CHIC1: variants seen among roughly 807,000 people sequenced by gnomAD.
CHIC1 encodes cysteine-rich hydrophobic domain-containing protein 1.
CHIC1 carries 7 observed loss-of-function variants against 18.5 expected under a neutral mutation model. The observed-to-expected ratio is 0.38, with a 90% confidence interval of 0.22 to 0.71. The LOEUF is 0.71. CHIC1 is among the 30% of genes least tolerant of loss of function. The pLI, the probability that CHIC1 is intolerant of heterozygous loss-of-function variation, is 0.49. For synonymous variants in CHIC1, 77 were observed against 73.5 expected, an observed-to-expected ratio of 1.05 and a Z score of -0.25; for missense variants, 159 against 176.9, an observed-to-expected ratio of 0.90 and a Z score of 0.57.
intron 1 of CHIC1, among the ~76,000 whole-genome samples, chrX:73,568,472 A>G (rs761811834): frequency 1.8e-5 from 2 of 111,771 alleles, no homozygotes; most frequent in Admixed American, 1.9e-4. Flanking sequence ...CTATAGAAAG[A>G]GAAATAATGA....
At position 73,628,025 on chromosome X, in the gene CHIC1, C is replaced by A. The variant is rs376495952; in HGVS notation, c.507+43453C>A. ...CAGCAGGTGATAAATGTTGCCAGGA[C>A]TTGGTCCTTTCCTTCAAGGCAGTGG... On this transcript the variant is annotated intron_variant, in intron 3 of 5. Coordinates refer to ENST00000373502, the MANE Select transcript of CHIC1 (RefSeq NM_001039840.4). Among the ~76,000 whole-genome samples the A allele has an allele frequency of 2.7e-5, 3 of 111,470 alleles. No individual in the cohort carries two copies. In the East Asian group the frequency reaches 8.5e-4, roughly 32 times the overall value.
chrX:73,569,237 G>A (rs747355549), intron 1 of CHIC1, among the ~76,000 whole-genome samples: 15 of 111,045 alleles, frequency 1.4e-4, no homozygotes, highest in South Asian at 3.8e-4. Flanking sequence ...AACTGAGTAC[G>A]TGAACTTTAA....
intron 3 of CHIC1, among the ~76,000 whole-genome samples, chrX:73,585,530 TAAA>T (rs1040812545): frequency 9.1e-6 from 1 of 109,317 alleles, no homozygotes; most frequent in Non-Finnish European, 1.9e-5. Context: ...TTTCTATAAA[TAAA>T]AAAAAAGCTG....
chrX:73,643,767 A>G (rs1053688590), intron 3 of CHIC1, among the ~76,000 whole-genome samples: 1 of 111,209 alleles, frequency 9.0e-6, no homozygotes, highest in Non-Finnish European at 1.9e-5. Flanking sequence ...GTATCCATTC[A>G]TCTAATTTTT....
intron 5 of CHIC1, 145 bp downstream of exon 5, chrX:73,679,858 CTT>C (rs2058089162): frequency 6.0e-6 from 2 of 331,731 alleles, no homozygotes; most frequent in Non-Finnish European, 1.1e-5. Context: ...CTTCTATCTT[CTT>C]TAGATTTGTA....
At chrX:73,642,876 CTA>C (rs2057865430) in intron 3 of CHIC1, among the ~76,000 whole-genome samples, 2 of 108,566 alleles carry the variant, frequency 1.8e-5, no homozygotes, top group African/African-American at 6.6e-5. Context: ...TTCCATTGAT[CTA>C]TATCTCTGTT....
At chrX:73,611,019 CT>C (rs1189905087) in intron 3 of CHIC1, among the ~76,000 whole-genome samples, 1 of 106,271 alleles carries the variant, frequency 9.4e-6, no homozygotes, top group Non-Finnish European at 1.9e-5. Flanking sequence ...AGAAAACCAG[CT>C]TTTTTTATTA....
rs1474525758 is a variant in CHIC1, at chrX:73,682,407, G to A, written c.*1402G>A. 9.0e-6 allele frequency: 1 copy of A among 111,297 alleles called. No individual in the cohort carries two copies. The highest frequency in any genetic ancestry group is 9.6e-5 in the Admixed American group (1 of 10,462). 9.2% of individuals were successfully genotyped at this position (111,297 alleles called of 1,213,427 possible). On this transcript the variant is annotated 3_prime_UTR_variant, in exon 6 of 6. Transcript: ENST00000373502. Reference sequence around the variant, plus strand: ...GTATGCCTGTTTGTAGGCATTATTTGTAATTCATAGTGCTAAAAATAAAAG... The same window carrying A: ...GTATGCCTGTTTGTAGGCATTATTTATAATTCATAGTGCTAAAAATAAAAG...
At chrX:73,676,645 C>G (rs2058065102) in intron 3 of CHIC1, among the ~76,000 whole-genome samples, 1 of 111,038 alleles carries the variant, frequency 9.0e-6, no homozygotes, top group South Asian at 3.8e-4. Context: ...AATTTTTTTT[C>G]AAAGCTTTTA....
intron 3 of CHIC1, among the ~76,000 whole-genome samples, chrX:73,667,025 T>C (rs2058007477): frequency 2.7e-5 from 3 of 112,111 alleles, no homozygotes; most frequent in Admixed American, 9.4e-5. Context: ...TTTATGAATA[T>C]GGGTGCTAGT....
intron 3 of CHIC1, among the ~76,000 whole-genome samples, chrX:73,590,704 GA>G (rs1603341197): frequency 9.0e-6 from 1 of 111,405 alleles, no homozygotes; most frequent in African/African-American, 3.2e-5. Flanking sequence ...CATATAAGTT[GA>G]AATTATATAG....
chrX:73,649,132 C>G (rs60932085), intron 3 of CHIC1, among the ~76,000 whole-genome samples: 5,331 of 111,498 alleles, frequency 0.048, 322 homozygotes, highest in African/African-American at 0.16. Flanking sequence ...AAAATCTTTT[C>G]CAGACAAGCA....
chrX:73,633,468 T>C (rs902197859), intron 3 of CHIC1, among the ~76,000 whole-genome samples: 3 of 111,845 alleles, frequency 2.7e-5, no homozygotes, highest in Non-Finnish European at 5.6e-5. Context: ...CAAAATCGTC[T>C]GTTTTTGACT....
At position 73,605,274 on chromosome X, in the gene CHIC1, A is replaced by T. The variant is rs1327702742; in HGVS notation, c.507+20702A>T. On this transcript the variant is annotated intron_variant, in intron 3 of 5. Transcript: ENST00000373502. ...GTAATGCCCTTCTTTGTCTTTTTTG[A>T]TCTTTGTCAGTTTAAAGTCTGTTCT... Among the ~76,000 whole-genome samples the T allele has an allele frequency of 9.3e-5, 10 of 107,368 alleles. No individual in the cohort carries two copies. The East Asian group carries it at 2.6e-3, about 27-fold the overall frequency. 93.2% of individuals were successfully genotyped at this position (107,368 alleles called of 115,157 possible). A position where few individuals can be genotyped will look rare whatever the true frequency, so the allele number is the denominator to read the frequency against.
rs1279917421 is a variant in CHIC1, at chrX:73,682,676, T to C, written c.*1671T>C. The stretch of plus-strand genomic sequence containing the variant: ...TGTTTGCACAAACACTTTTCCACCT[T>C]CCTCTGTGCCCCATTACCTCTGTGC... On this transcript the variant is annotated 3_prime_UTR_variant, in exon 6 of 6. Coordinates refer to ENST00000373502, the MANE Select transcript of CHIC1 (RefSeq NM_001039840.4). 1 of 111,846 alleles carries C rather than the reference T, an allele frequency of 8.9e-6. No homozygotes were observed. The allele number at this position is 111,846 out of a possible 1,213,427, so 9.2% of individuals were successfully genotyped here. A position where few individuals can be genotyped will look rare whatever the true frequency, so the allele number is the denominator to read the frequency against.
At chrX:73,663,856 T>C (rs910961767) in intron 3 of CHIC1, among the ~76,000 whole-genome samples, 1 of 111,332 alleles carries the variant, frequency 9.0e-6, no homozygotes, top group Non-Finnish European at 1.9e-5. Flanking sequence ...TGCAGACCTT[T>C]ACATTCCATC....
chrX:73,649,526 A>T (rs747534752), intron 3 of CHIC1, among the ~76,000 whole-genome samples: 1 of 111,825 alleles, frequency 8.9e-6, no homozygotes, highest in African/African-American at 3.2e-5. Flanking sequence ...GAATCAAAAA[A>T]AGCAGAGGTT....
At chrX:73,663,306 T>G (rs956676554) in intron 3 of CHIC1, among the ~76,000 whole-genome samples, 1 of 111,071 alleles carries the variant, frequency 9.0e-6, no homozygotes, top group African/African-American at 3.3e-5. Context: ...TCTTTGTAAT[T>G]TTTCTCCCTT....
intron 3 of CHIC1, among the ~76,000 whole-genome samples, chrX:73,607,641 T>C (rs2057689272): frequency 9.2e-6 from 1 of 109,141 alleles, no homozygotes; most frequent in South Asian, 3.7e-4. Context: ...TCTTCTTGTC[T>C]GTGGGTTGTG....
Sources: gnomAD v4.1 joint callset for allele counts (sites outside exome capture counted in the v4.1 genomes callset) on GRCh38, gnomAD v4.1.1 for gene constraint, MANE v1.5 for transcripts, NCBI Gene and HGNC (gene_info 2026-07-23, HGNC 2026-07-21) for gene names.